The following WDTC1 variants were observed in gnomAD, a reference collection of about 807,000 sequenced individuals.
WDTC1 encodes WD and tetratricopeptide repeats 1.
WDTC1 carries 12 observed loss-of-function variants against 76.0 expected under a neutral mutation model. The ratio of observed to expected loss-of-function variants is 0.16; its 90% CI spans 0.10 to 0.26. The LOEUF (loss-of-function observed/expected upper bound fraction) is 0.26. WDTC1 is among the 10% of genes least tolerant of loss of function. The probability of loss-of-function intolerance (pLI) is 1.00; values close to 1 mark genes in which losing one functional copy is unlikely to be tolerated. For missense variants in WDTC1, 511 were observed against 908.8 expected (o/e 0.56, Z 5.63); for synonymous variants, 326 against 350.8 (o/e 0.93, Z 0.79).
chr1:27,281,740 C>T (rs2013198905), intron 3 of WDTC1, among the ~76,000 whole-genome samples: 1 of 152,024 alleles, frequency 6.6e-6, no homozygotes, highest in African/African-American at 2.4e-5. Flanking sequence ...CAGGCACATG[C>T]CACCACACCC....
At chr1:27,259,054 C>G (rs929703577) in intron 1 of WDTC1, among the ~76,000 whole-genome samples, 1 of 152,168 alleles carries the variant, frequency 6.6e-6, no homozygotes, top group African/African-American at 2.4e-5. Context: ...AATCTGATTA[C>G]AAATTAGTGT....
chr1:27,286,001 T>G (rs1418225575), intron 5 of WDTC1, among the ~76,000 whole-genome samples: 1 of 139,754 alleles, frequency 7.2e-6, no homozygotes, highest in Non-Finnish European at 1.6e-5. Flanking sequence ...TGGTGGTTTT[T>G]TTTTTTTTTT....
At chr1:27,267,785 A>G (rs886814565) in intron 3 of WDTC1, among the ~76,000 whole-genome samples, 1 of 152,138 alleles carries the variant, frequency 6.6e-6, no homozygotes, top group East Asian at 1.9e-4. Flanking sequence ...ATATTCATAC[A>G]TATTTCTAAT....
intron 1 of WDTC1, among the ~76,000 whole-genome samples, chr1:27,242,212 C>T (rs1398616406): frequency 6.6e-6 from 1 of 151,864 alleles, no homozygotes; most frequent in African/African-American, 2.4e-5. Flanking sequence ...CACTTGTAAC[C>T]CTAGCACTTT....
In WDTC1 at chr1:27,294,010, C is replaced by A; in HGVS notation, c.663-12C>A. The A allele has an allele frequency of 6.2e-7, 1 of 1,613,550 alleles. No homozygotes were observed. Among genetic ancestry groups the A allele is most frequent in the Non-Finnish European group, 8.5e-7 (1 of 1,179,636 alleles). Reference sequence around the variant, plus strand: ...CTGTAACTTTAACCTATATGATTTTCCTTCCCACCAGAAAGAGCATGAAGC... The same window carrying A: ...CTGTAACTTTAACCTATATGATTTTACTTCCCACCAGAAAGAGCATGAAGC... On this transcript the variant is annotated splice_polypyrimidine_tract_variant and intron_variant, in intron 7 of 15. Transcript: ENST00000319394.
At chr1:27,281,543 A>AG (rs1000607127) in intron 3 of WDTC1, among the ~76,000 whole-genome samples, 1 of 151,570 alleles carries the variant, frequency 6.6e-6, no homozygotes, top group Non-Finnish European at 1.5e-5. Context: ...TGTGACTGAG[A>AG]GGGTATCCCT....
At chr1:27,261,704 C>T (rs920613427) in intron 2 of WDTC1, among the ~76,000 whole-genome samples, 1 of 152,134 alleles carries the variant, frequency 6.6e-6, no homozygotes, top group Non-Finnish European at 1.5e-5. Context: ...ATGATGTGCT[C>T]CAGCACTGGT....
At chr1:27,295,733 C>T (rs1184110242) in intron 9 of WDTC1, among the ~76,000 whole-genome samples, 1 of 152,104 alleles carries the variant, frequency 6.6e-6, no homozygotes, top group African/African-American at 2.4e-5. Context: ...GGATTACAGG[C>T]ATTAACCACT....
At chr1:27,289,786 C>CA in intron 6 of WDTC1, among the ~76,000 whole-genome samples, 1 of 151,836 alleles carries the variant, frequency 6.6e-6, no homozygotes, top group Non-Finnish European at 1.5e-5. Context: ...AGCTGGAGAC[C>CA]GGCCCGGCCA....
chr1:27,290,593 A>C (rs564836601), intron 6 of WDTC1, among the ~76,000 whole-genome samples: 1 of 152,174 alleles, frequency 6.6e-6, no homozygotes, highest in Non-Finnish European at 1.5e-5. Context: ...AGCCACCCGG[A>C]AATGGTAAAA....
chr1:27,245,182 A>G (rs191006942), intron 1 of WDTC1, among the ~76,000 whole-genome samples: 5 of 151,946 alleles, frequency 3.3e-5, no homozygotes, highest in Non-Finnish European at 7.3e-5. Context: ...ATGAATATTC[A>G]TAGCAGCATT....
At position 27,242,989 on chromosome 1, in the gene WDTC1, C is replaced by T. The variant is rs944312817; in HGVS notation, c.-100+8038C>T. Among the ~76,000 whole-genome samples the T allele has an allele frequency of 5.3e-5, 8 of 152,270 alleles. No homozygotes were observed. The South Asian group carries it at 1.7e-3, about 32-fold the overall frequency. Reference sequence around the variant, plus strand: ...TCCTGAAGATGCTTTGGTGATGAGTCTATCCTACCAGCGAAAGCTTTCCCA... The same window carrying T: ...TCCTGAAGATGCTTTGGTGATGAGTTTATCCTACCAGCGAAAGCTTTCCCA... On this transcript the variant is annotated intron_variant, in intron 1 of 15. Coordinates refer to ENST00000319394, the MANE Select transcript of WDTC1 (RefSeq NM_001276252.2).
rs751239265 is a variant in WDTC1, at chr1:27,287,663, C to G, written c.292-11C>G. The G allele has an allele frequency of 6.2e-7, 1 of 1,611,348 alleles. No individual in the cohort carries two copies. The highest frequency in any genetic ancestry group is 1.3e-5 in the African/African-American group (1 of 75,028). On this transcript the variant is annotated splice_polypyrimidine_tract_variant and intron_variant, in intron 5 of 15. Coordinates refer to ENST00000319394, the MANE Select transcript of WDTC1 (RefSeq NM_001276252.2). ...TTACCACCCACCCCTTCCTCCATTT[C>G]TCCTATATAGTTCCTGCCTCACGCT... is the stretch of plus-strand genomic sequence containing the variant.
rs1229710103 is a variant in WDTC1 at position 27,305,630 on chromosome 1, C to G, written c.1836+437C>G. On this transcript the variant is annotated intron_variant, in intron 15 of 15. Transcript: ENST00000319394. The surrounding 1 kb of genome is among the most constrained non-coding windows in gnomAD (Gnocchi z 4.6). The stretch of plus-strand genomic sequence containing the variant: ...TTAGGACAGTGGAGTCCCCTCCACT[C>G]CCAGGGTGGGTAGCCAGGGAAGCTG... Among the ~76,000 whole-genome samples the G allele has an allele frequency of 6.6e-6, 1 of 152,184 alleles. No individual in the cohort carries two copies. The highest frequency in any genetic ancestry group is 2.4e-5 in the African/African-American group (1 of 41,448).
chr1:27,306,285 A>G lies in WDTC1; in HGVS notation c.1936A>G (p.Asn646Asp). 5 of 1,614,114 alleles carry G rather than the reference A, an allele frequency of 3.1e-6. No individual in the cohort carries two copies. Among genetic ancestry groups the G allele is most frequent in the Non-Finnish European group, 4.2e-6 (5 of 1,180,014 alleles). Reference protein sequence around the residue: ...NADPLEVMLLNMGYRITGLSS... With the variant: ...NADPLEVMLLDMGYRITGLSS... ...AGACCCGTTGGAGGTGATGCTGCTC[A>G]ACATGGGCTACCGGATCACGGGCCT... Residue 646 changes from asparagine (N) to aspartate (D), a missense_variant, in exon 16 of 16, where the codon AAC becomes GAC. Asn to Asp is a conservative substitution (Grantham distance 23). Coordinates refer to ENST00000319394, the MANE Select transcript of WDTC1 (RefSeq NM_001276252.2). The surrounding 1 kb of genome is among the most constrained non-coding windows in gnomAD (Gnocchi z 5.0).
intron 1 of WDTC1, among the ~76,000 whole-genome samples, chr1:27,259,139 GTTTTCT>G (rs1166608407): frequency 6.6e-6 from 1 of 151,988 alleles, no homozygotes; most frequent in East Asian, 1.9e-4. Context: ...GAGAGCTATT[GTTTTCT>G]TTTTATTATT....
At chr1:27,283,716 T>C (rs1482674229) in intron 5 of WDTC1, among the ~76,000 whole-genome samples, 1 of 152,198 alleles carries the variant, frequency 6.6e-6, no homozygotes, top group Non-Finnish European at 1.5e-5. Flanking sequence ...GAACGTGAAC[T>C]TAGAGAGCAG....
chr1:27,284,483 C>G (rs1023450158), intron 5 of WDTC1, among the ~76,000 whole-genome samples: 2 of 152,264 alleles, frequency 1.3e-5, no homozygotes, highest in East Asian at 1.9e-4. Flanking sequence ...TTTCCTAAAC[C>G]CTTTTTTCTT....
chr1:27,293,959 G>T, intron 7 of WDTC1, 63 bp from the exon 8 acceptor site: 1 of 1,492,032 alleles, frequency 6.7e-7, no homozygotes. Context: ...TCTAGTGAGT[G>T]TGGTCTGGTC....
Sources: gnomAD v4.1 joint callset for allele counts (sites outside exome capture counted in the v4.1 genomes callset) on GRCh38, gnomAD v4.1.1 for gene constraint, Gnocchi (gnomAD v3.1) non-coding constraint, MANE v1.5 for transcripts, NCBI Gene and HGNC (gene_info 2026-07-23, HGNC 2026-07-21) for gene names.